Variants in LCLAT1 observed in about 807,000 individuals in gnomAD.
LCLAT1 encodes the protein 1-AGP acyltransferase 8.
Under a neutral mutation model 30.7 loss-of-function variants are expected in LCLAT1, and 11 were observed. That is an observed-to-expected ratio of 0.36 (90% CI 0.23 to 0.59). The LOEUF (loss-of-function observed/expected upper bound fraction) is 0.59. LCLAT1 is among the 20% of genes least tolerant of loss of function. The pLI is 0.77. For synonymous variants in LCLAT1, 155 were observed against 151.3 expected, an observed-to-expected ratio of 1.02 and a Z score of -0.18; for missense variants, 402 against 458.6, an observed-to-expected ratio of 0.88 and a Z score of 1.13.
chr2:30,518,243 A>T (rs1370793673), intron 1 of LCLAT1, among the ~76,000 whole-genome samples: 3 of 152,228 alleles, frequency 2.0e-5, no homozygotes, highest in African/African-American at 7.2e-5. Flanking sequence ...ACGGGATTTA[A>T]ATCTTATTAC....
rs879709758 is a variant in LCLAT1, at chr2:30,543,261, A to G, written c.364+9947A>G. Reference sequence around the variant, plus strand: ...CTCCCTTGTTCTATTAATATGTTAAATTGCATTGGTTAATCTCTGATGGTA... The same window carrying G: ...CTCCCTTGTTCTATTAATATGTTAAGTTGCATTGGTTAATCTCTGATGGTA... On this transcript the variant is annotated intron_variant, in intron 3 of 5. Coordinates refer to ENST00000379509, the MANE Select transcript of LCLAT1 (RefSeq NM_001002257.3). Among the ~76,000 whole-genome samples, 8 of 152,236 alleles carry G rather than the reference A, an allele frequency of 5.3e-5. No individual in the cohort carries two copies. The East Asian group carries it at 5.8e-4, about 11-fold the overall frequency.
chr2:30,631,266 G>A (rs558509894), intron 5 of LCLAT1, among the ~76,000 whole-genome samples: 7 of 152,150 alleles, frequency 4.6e-5, no homozygotes, highest in Non-Finnish European at 1.0e-4. Flanking sequence ...TCTCTTGGGA[G>A]CAAGACAACT....
At chr2:30,537,521 T>TACACACACACACAC (rs58394759) in intron 3 of LCLAT1, among the ~76,000 whole-genome samples, 142 of 149,206 alleles carry the variant, frequency 9.5e-4, no homozygotes, top group South Asian at 2.1e-3. Flanking sequence ...CAATTGTAAA[T>TACACACACACACAC]ACACACACAC....
chr2:30,511,822 C>A (rs1572549867), intron 1 of LCLAT1, among the ~76,000 whole-genome samples: 2 of 152,318 alleles, frequency 1.3e-5, no homozygotes, highest in South Asian at 4.1e-4. Context: ...CCCAGAGGTG[C>A]AGAGAGAGAA....
chr2:30,561,429 C>G (rs1474545863), intron 3 of LCLAT1, among the ~76,000 whole-genome samples: 1 of 152,100 alleles, frequency 6.6e-6, no homozygotes, highest in Non-Finnish European at 1.5e-5. Flanking sequence ...ATTGGACAGA[C>G]TATTGGATTG....
At chr2:30,457,501 T>C (rs1009226155) in intron 1 of LCLAT1, among the ~76,000 whole-genome samples, 1 of 152,364 alleles carries the variant, frequency 6.6e-6, no homozygotes, top group East Asian at 1.9e-4. Flanking sequence ...TTCTTGCCCT[T>C]TTACATGCAA....
chr2:30,571,629 C>A (rs1240006961), intron 5 of LCLAT1, among the ~76,000 whole-genome samples: 1 of 152,186 alleles, frequency 6.6e-6, no homozygotes, highest in Non-Finnish European at 1.5e-5. Flanking sequence ...GGTGGCATTT[C>A]AGTTACCCTT....
intron 1 of LCLAT1, among the ~76,000 whole-genome samples, chr2:30,453,570 A>G (rs1468893765): frequency 6.6e-6 from 1 of 152,144 alleles, no homozygotes; most frequent in East Asian, 1.9e-4. Flanking sequence ...TCTTGACTAA[A>G]CTCGATCATT....
chr2:30,490,731 G>T (rs939531231), intron 1 of LCLAT1, among the ~76,000 whole-genome samples: 1 of 152,162 alleles, frequency 6.6e-6, no homozygotes, highest in African/African-American at 2.4e-5. Context: ...ATTTAATACA[G>T]CATGGAAGTT....
In LCLAT1 at chr2:30,470,622, A is replaced by G. The variant is rs375616053; in HGVS notation, c.-5+23239A>G. ...TACGTTAGGGTTTTCTCACTGTTATAATTTTGCAAAGGCAGTTTCAGTACC... is the reference window on the plus strand; with the variant it reads ...TACGTTAGGGTTTTCTCACTGTTATGATTTTGCAAAGGCAGTTTCAGTACC... On this transcript the variant is annotated intron_variant, in intron 1 of 5. Coordinates refer to ENST00000379509, the MANE Select transcript of LCLAT1 (RefSeq NM_001002257.3). Among the ~76,000 whole-genome samples, 12 of 152,200 alleles carry G rather than the reference A, an allele frequency of 7.9e-5. No individual in the cohort carries two copies. The East Asian group carries it at 2.3e-3, about 29-fold the overall frequency.
intron 1 of LCLAT1, among the ~76,000 whole-genome samples, chr2:30,484,574 G>A (rs151032682): frequency 1.4e-4 from 21 of 152,142 alleles, no homozygotes; most frequent in Non-Finnish European, 2.6e-4. Context: ...AAGTACTGTG[G>A]GCAAGAGCTA....
chr2:30,479,894 GA>G (rs1442626440), intron 1 of LCLAT1, among the ~76,000 whole-genome samples: 4 of 152,118 alleles, frequency 2.6e-5, no homozygotes, highest in Non-Finnish European at 5.9e-5. Flanking sequence ...CTCCACCACT[GA>G]ACATCTGTGA....
chr2:30,491,588 G>A (rs542602520), intron 1 of LCLAT1, among the ~76,000 whole-genome samples: 29 of 152,312 alleles, frequency 1.9e-4, no homozygotes, highest in African/African-American at 6.7e-4. Context: ...ATGGTAGTAT[G>A]TGCATAGATA....
At chr2:30,639,479 T>A (rs1572731901) in intron 5 of LCLAT1, among the ~76,000 whole-genome samples, 1 of 116,114 alleles carries the variant, frequency 8.6e-6, no homozygotes. Context: ...ATCTATTTAT[T>A]TTTAAAGATG....
At chr2:30,468,131 G>T (rs1386863160) in intron 1 of LCLAT1, among the ~76,000 whole-genome samples, 1 of 152,218 alleles carries the variant, frequency 6.6e-6, no homozygotes, top group African/African-American at 2.4e-5. Flanking sequence ...GTGTAAGGAA[G>T]AGATCCAGTT....
intron 1 of LCLAT1, among the ~76,000 whole-genome samples, chr2:30,489,663 A>C (rs1683743704): frequency 6.6e-6 from 1 of 152,194 alleles, no homozygotes; most frequent in African/African-American, 2.4e-5. Flanking sequence ...CAGTTATCTT[A>C]CTACATAGGC....
chr2:30,626,027 G>A (rs1257796482), intron 5 of LCLAT1, among the ~76,000 whole-genome samples: 5 of 152,162 alleles, frequency 3.3e-5, no homozygotes, highest in Non-Finnish European at 4.4e-5. Flanking sequence ...GACTGGCACC[G>A]TGAGTGCTCT....
chr2:30,627,849 A>G (rs1243969251), intron 5 of LCLAT1, among the ~76,000 whole-genome samples: 1 of 66,046 alleles, frequency 1.5e-5, no homozygotes, highest in Non-Finnish European at 3.0e-5. Context: ...TAACTACTTT[A>G]ATATGATTTT....
intron 1 of LCLAT1, among the ~76,000 whole-genome samples, chr2:30,477,273 A>G (rs1355220132): frequency 6.6e-6 from 1 of 152,148 alleles, no homozygotes; most frequent in Non-Finnish European, 1.5e-5. Context: ...TTTGTAGGTA[A>G]ATTAATTTCA....
Sources: allele counts gnomAD v4.1 joint callset (sites outside exome capture counted in the v4.1 genomes callset), GRCh38; gene constraint gnomAD v4.1.1; transcripts MANE v1.5; gene names NCBI Gene and HGNC (gene_info 2026-07-23, HGNC 2026-07-21).